The following IFNAR2 variants were observed in gnomAD, a reference collection of about 807,000 sequenced individuals.
IFNAR2 encodes the protein interferon alpha/beta receptor 2.
A neutral mutation model predicts 49.4 loss-of-function variants in IFNAR2; 30 were observed. The ratio of observed to expected loss-of-function variants is 0.61; its 90% CI spans 0.45 to 0.82. The LOEUF (loss-of-function observed/expected upper bound fraction) is 0.82. Ranked by LOEUF, IFNAR2 falls within the 40% of genes least tolerant of loss-of-function variation. The pLI is 0.00. For missense variants in IFNAR2, 600 were observed against 622.7 expected (o/e 0.96, Z 0.39); for synonymous variants, 224 against 234.5 (o/e 0.96, Z 0.41).
intron 6 of IFNAR2, chr21:33,252,101 T>G: frequency 2.2e-6 from 1 of 457,290 alleles, no homozygotes; most frequent in Non-Finnish European, 4.5e-6. Flanking sequence ...TCTATCTATC[T>G]ATCTATCTAT....
rs746213961 is a variant in IFNAR2, at chr21:33,252,652, A to G, written c.541-10A>G. 6.2e-7 allele frequency: 1 copy of G among 1,605,196 alleles called. No homozygotes were observed. Among genetic ancestry groups the G allele is most frequent in the South Asian group, 1.1e-5 (1 of 89,036 alleles). ...TCTCAGTCTTACTGATTTTTTGCTT[A>G]TGTTTACAGCATAAACCCGAAATAA... On this transcript the variant is annotated splice_polypyrimidine_tract_variant and intron_variant, in intron 6 of 8. Coordinates refer to ENST00000342136, the MANE Select transcript of IFNAR2 (RefSeq NM_001289125.3).
At position 33,262,814 on chromosome 21, in the gene IFNAR2, T is replaced by C. The variant is rs1398799203; in HGVS notation, c.862T>C (p.Trp288Arg). 6.3e-7 allele frequency: 1 copy of C among 1,597,542 alleles called. No individual in the cohort carries two copies. Among genetic ancestry groups the C allele is most frequent in the Non-Finnish European group, 8.5e-7 (1 of 1,173,482 alleles). The change falls in exon 9 of 9, where the codon TGG becomes CGG. Residue 288 changes from tryptophan to arginine, a missense_variant. By Grantham distance (101) the Trp-to-Arg change is moderately radical. Coordinates refer to ENST00000342136, the MANE Select transcript of IFNAR2 (RefSeq NM_001289125.3). ...KVLNFHNFLAWPFPNLPPLEA... is the reference protein window; with the variant it reads ...KVLNFHNFLARPFPNLPPLEA... ...TAAGAATTTTCATAACTTTTTAGCC[T>C]GGCCATTTCCTAACCTGCCACCGTT...
At chr21:33,257,368 C>T (rs988456377) in intron 7 of IFNAR2, among the ~76,000 whole-genome samples, 3 of 152,136 alleles carry the variant, frequency 2.0e-5, no homozygotes, top group Admixed American at 6.6e-5. Flanking sequence ...TTGTGAAGAG[C>T]GAAAGGACAA....
chr21:33,247,354 C>T (rs1210222232), intron 5 of IFNAR2, among the ~76,000 whole-genome samples: 7 of 149,788 alleles, frequency 4.7e-5, no homozygotes, highest in East Asian at 3.9e-4. Flanking sequence ...CAGGTTCAAG[C>T]GATTCTCCCA....
intron 5 of IFNAR2, among the ~76,000 whole-genome samples, chr21:33,247,254 CTT>C (rs59707670): frequency 6.6e-5 from 6 of 91,566 alleles, no homozygotes; most frequent in Admixed American, 1.3e-4. Context: ...TTCTTTCTTT[CTT>C]TTTTTTTTTT....
At chr21:33,247,339 C>A (rs181425774) in intron 5 of IFNAR2, among the ~76,000 whole-genome samples, 42 of 150,640 alleles carry the variant, frequency 2.8e-4, no homozygotes, top group African/African-American at 8.3e-4. Flanking sequence ...GCAACCTCCA[C>A]CTTCCAGGTT....
intron 1 of IFNAR2, among the ~76,000 whole-genome samples, chr21:33,239,290 C>T (rs17860253): frequency 0.014 from 2,087 of 152,292 alleles, 21 homozygotes; most frequent in South Asian, 0.051. Flanking sequence ...GAAGGGACAC[C>T]GTGAGTGATA....
In IFNAR2 at chr21:33,246,889, CAGTG is replaced by C. The variant is rs1053873420; in HGVS notation, c.394+3_394+6del. 5 of 1,612,002 alleles carry C rather than the reference CAGTG, an allele frequency of 3.1e-6. No homozygotes were observed. The African/African-American group carries it at 4.0e-5, about 13-fold the overall frequency. ...CACACAATTTCTGGCTGGCCATAGACAGTGAGTTTTATCTCTGTTTCTCCACTTC... is the reference window on the plus strand; with the variant it reads ...CACACAATTTCTGGCTGGCCATAGACAGTTTTATCTCTGTTTCTCCACTTC... On this transcript the variant is annotated splice_donor_variant and splice_donor_region_variant and coding_sequence_variant and intron_variant, in exon 5 of 9. Coordinates refer to ENST00000342136, the MANE Select transcript of IFNAR2 (RefSeq NM_001289125.3). LOFTEE classifies it high-confidence loss of function.
chr21:33,237,234 A>G (rs1403754439), intron 1 of IFNAR2, among the ~76,000 whole-genome samples: 1 of 152,096 alleles, frequency 6.6e-6, no homozygotes, highest in Non-Finnish European at 1.5e-5. Context: ...GTGTTCAAAT[A>G]TAAAGGGGTT....
chr21:33,255,178 T>G (rs538674288), intron 7 of IFNAR2, among the ~76,000 whole-genome samples: 1 of 152,336 alleles, frequency 6.6e-6, no homozygotes, highest in South Asian at 2.1e-4. Context: ...TGACTATAGC[T>G]CTTTCAAAAA....
chr21:33,258,642 G>A (rs1601816132), intron 7 of IFNAR2, among the ~76,000 whole-genome samples: 1 of 152,208 alleles, frequency 6.6e-6, no homozygotes, highest in Non-Finnish European at 1.5e-5. Flanking sequence ...AGTGAGTCAC[G>A]CAAACCTATC....
At chr21:33,234,986 A>G (rs1033722468) in intron 1 of IFNAR2, among the ~76,000 whole-genome samples, 3 of 152,214 alleles carry the variant, frequency 2.0e-5, no homozygotes, top group Non-Finnish European at 2.9e-5. Flanking sequence ...GTTGTCTGCA[A>G]AAGGGGTGGG....
At chr21:33,235,664 C>T (rs777499912) in intron 1 of IFNAR2, among the ~76,000 whole-genome samples, 35 of 152,328 alleles carry the variant, frequency 2.3e-4, no homozygotes, top group African/African-American at 5.5e-4. Context: ...TGGTGGCTAA[C>T]GCCTGTAATC....
chr21:33,252,366 G>T (rs1166757448), intron 6 of IFNAR2: 1 of 895,310 alleles, frequency 1.1e-6, no homozygotes, highest in Admixed American at 4.0e-5. Context: ...TTGTAAAAAT[G>T]ACGTCACAGA....
intron 1 of IFNAR2, among the ~76,000 whole-genome samples, chr21:33,234,225 TTATG>T (rs1021986031): frequency 4.5e-5 from 3 of 66,332 alleles, no homozygotes; most frequent in Admixed American, 1.3e-4. Flanking sequence ...GTGTGTGTGT[TTATG>T]CATAGAAAGA....
At chr21:33,252,292 A>G (rs1987910158) in intron 6 of IFNAR2, 1 of 456,834 alleles carries the variant, frequency 2.2e-6, no homozygotes, top group Non-Finnish European at 4.1e-6. Context: ...AAAAGGGTTA[A>G]TGTTTATGAA....
intron 7 of IFNAR2, among the ~76,000 whole-genome samples, chr21:33,253,410 C>A (rs1987997035): frequency 6.6e-6 from 1 of 152,178 alleles, no homozygotes; most frequent in African/African-American, 2.4e-5. Flanking sequence ...CCTCGGAACT[C>A]CCTGCTGATT....
intron 7 of IFNAR2, among the ~76,000 whole-genome samples, chr21:33,257,395 A>G (rs1477524005): frequency 6.6e-6 from 1 of 152,204 alleles, no homozygotes; most frequent in Non-Finnish European, 1.5e-5. Flanking sequence ...CACACCCTGG[A>G]AGGGGACCTG....
At chr21:33,235,883 C>T (rs992526135) in intron 1 of IFNAR2, among the ~76,000 whole-genome samples, 6 of 152,038 alleles carry the variant, frequency 3.9e-5, no homozygotes, top group Non-Finnish European at 5.9e-5. Flanking sequence ...CCAAAGTTTG[C>T]GCCACTGCAC....
Sources: allele counts gnomAD v4.1 joint callset (sites outside exome capture counted in the v4.1 genomes callset), GRCh38; gene constraint gnomAD v4.1.1; transcripts MANE v1.5; gene names NCBI Gene and HGNC (gene_info 2026-07-23, HGNC 2026-07-21).